DAPK1: variants seen among roughly 807,000 people sequenced by gnomAD.
The protein encoded by DAPK1 is death-associated protein kinase 1.
In DAPK1, 56 loss-of-function variants were observed where a neutral mutation model predicts 144.9. The observed-to-expected ratio is 0.39, with a 90% CI of 0.31 to 0.48. The LOEUF (loss-of-function observed/expected upper bound fraction) is 0.48. Among genes scored for constraint, DAPK1 ranks in the 20% least tolerant of loss-of-function variants. DAPK1 has a pLI of 0.95. For missense variants in DAPK1, 1,454 were observed against 1,875.4 expected (o/e 0.78, Z 4.15); for synonymous variants, 690 against 749.0 (o/e 0.92, Z 1.29).
chr9:87,611,647 G>A lies in DAPK1; in HGVS notation c.284+6472G>A, dbSNP rs923111284. On this transcript the variant is annotated intron_variant, in intron 3 of 25. Transcript: ENST00000408954. ...CTATTTTTTATTTTTTGTAGCTTCAGTGTCATTTTGTTGCTCAGGCTGGTC... is the reference window on the plus strand; with the variant it reads ...CTATTTTTTATTTTTTGTAGCTTCAATGTCATTTTGTTGCTCAGGCTGGTC... Among the ~76,000 whole-genome samples the A allele has an allele frequency of 4.0e-4, 61 of 152,134 alleles. 1 individual carries two copies. Among genetic ancestry groups the A allele is most frequent in the Non-Finnish European group, 1.5e-5 (1 of 68,036 alleles).
rs1286741369 is a variant in DAPK1, at chr9:87,698,784, A to T, written c.2740A>T (p.Ile914Phe). The part of the protein sequence containing the change: ...YDKDTSLLKE[I>F]RNRFGNDLHI... ...CAAAGACACATCGTTGCTGAAAGAG[A>T]TTAGGAACAGGTGAGGGGCAGCCAC... Residue 914 changes from isoleucine to phenylalanine, a missense_variant, in exon 23 of 26, where the codon ATT becomes TTT. Physicochemically the swap from Ile to Phe is conservative, Grantham distance 21. Transcript: ENST00000408954. 1 of 1,606,294 alleles carries T rather than the reference A, an allele frequency of 6.2e-7. No individual in the cohort carries two copies. Among genetic ancestry groups the T allele is most frequent in the Non-Finnish European group, 8.5e-7 (1 of 1,173,038 alleles).
intron 2 of DAPK1, among the ~76,000 whole-genome samples, chr9:87,548,823 G>A (rs1826359699): frequency 6.7e-6 from 1 of 149,938 alleles, no homozygotes; most frequent in African/African-American, 2.5e-5. Context: ...GTTCTGTTTT[G>A]TGGGGCTATG....
At chr9:87,501,191 G>A (rs1824375841) in intron 2 of DAPK1, among the ~76,000 whole-genome samples, 1 of 152,174 alleles carries the variant, frequency 6.6e-6, no homozygotes, top group East Asian at 1.9e-4. Flanking sequence ...GTCATTCTAA[G>A]CAGTGAATTA....
chr9:87,602,783 G>A (rs1228585205), intron 2 of DAPK1, among the ~76,000 whole-genome samples: 3 of 152,060 alleles, frequency 2.0e-5, no homozygotes, highest in South Asian at 2.1e-4. Context: ...ACAGGCACGC[G>A]CCACCACACC....
chr9:87,660,222 G>A (rs1830793249), intron 18 of DAPK1, among the ~76,000 whole-genome samples: 1 of 152,010 alleles, frequency 6.6e-6, no homozygotes, highest in South Asian at 2.1e-4. Flanking sequence ...GAGCTTGGTG[G>A]GCCCGGCCTT....
At chr9:87,640,169 A>G in intron 7 of DAPK1, 129 bp from the exon 8 acceptor site, 1 of 957,476 alleles carries the variant, frequency 1.0e-6, no homozygotes, top group Non-Finnish European at 1.6e-6. Context: ...GCCCTATGAA[A>G]TATAATCAAA....
intron 3 of DAPK1, chr9:87,632,011 T>A (rs570155280): frequency 2.6e-6 from 2 of 768,836 alleles, no homozygotes; most frequent in Non-Finnish European, 3.2e-6. Context: ...TATGTAGAGA[T>A]GAAGGAGGAT....
intron 3 of DAPK1, among the ~76,000 whole-genome samples, chr9:87,622,370 C>T (rs149665172): frequency 2.3e-3 from 350 of 152,134 alleles, no homozygotes; most frequent in African/African-American, 7.8e-3. Flanking sequence ...GCCTGAGCAG[C>T]AGGCTCCGGT....
At chr9:87,611,467 T>C (rs1464828973) in intron 3 of DAPK1, among the ~76,000 whole-genome samples, 1 of 152,102 alleles carries the variant, frequency 6.6e-6, no homozygotes, top group Non-Finnish European at 1.5e-5. Context: ...GACTTTTTGG[T>C]TTTTTTCTTG....
intron 2 of DAPK1, among the ~76,000 whole-genome samples, chr9:87,589,948 T>C (rs748127651): frequency 2.0e-5 from 3 of 152,184 alleles, no homozygotes; most frequent in Non-Finnish European, 4.4e-5. Flanking sequence ...CTCGGTGACA[T>C]CAAAACACTT....
chr9:87,659,094 G>A lies in DAPK1; in HGVS notation c.1923+967G>A, dbSNP rs370031712. ...CAGAGACCATATGGGCCACAGAGCC[G>A]AAACACCTACTTGCCTGGCCCTTGA... is the stretch of plus-strand genomic sequence containing the variant. On this transcript the variant is annotated intron_variant, in intron 18 of 25. Coordinates refer to ENST00000408954, the MANE Select transcript of DAPK1 (RefSeq NM_004938.4). 9.6e-4 allele frequency among the ~76,000 whole-genome samples: 146 copies of A among 152,352 alleles called. 1 individual carries two copies. In the South Asian group the frequency reaches 0.029, roughly 30 times the overall value.
intron 2 of DAPK1, among the ~76,000 whole-genome samples, chr9:87,546,827 C>G (rs1234187745): frequency 6.6e-6 from 1 of 151,944 alleles, no homozygotes; most frequent in African/African-American, 2.4e-5. Context: ...GCTGCACTGC[C>G]TAGAGCAATC....
chr9:87,676,010 A>T (rs1824365121), intron 19 of DAPK1, among the ~76,000 whole-genome samples: 1 of 151,798 alleles, frequency 6.6e-6, no homozygotes. Context: ...TCTTGCCCAC[A>T]CCCTGGATGC....
At chr9:87,502,635 A>AT (rs1824448083) in intron 2 of DAPK1, among the ~76,000 whole-genome samples, 1 of 152,052 alleles carries the variant, frequency 6.6e-6, no homozygotes, top group Admixed American at 6.6e-5. Flanking sequence ...GCACCATCTG[A>AT]CCTTATATGA....
intron 2 of DAPK1, among the ~76,000 whole-genome samples, chr9:87,526,880 C>T (rs1189271822): frequency 6.6e-6 from 1 of 152,184 alleles, no homozygotes; most frequent in African/African-American, 2.4e-5. Flanking sequence ...ATAAGGACTT[C>T]TCTGAAAACT....
intron 17 of DAPK1, among the ~76,000 whole-genome samples, chr9:87,655,405 A>C (rs1467651097): frequency 6.6e-6 from 1 of 152,126 alleles, no homozygotes; most frequent in Admixed American, 6.5e-5. Flanking sequence ...AGGGCTTAAA[A>C]GAAGCACAGG....
chr9:87,524,052 T>C (rs554930946), intron 2 of DAPK1, among the ~76,000 whole-genome samples: 25 of 152,346 alleles, frequency 1.6e-4, no homozygotes, highest in Admixed American at 1.4e-3. Context: ...GCGAGGTGGA[T>C]GAAACAGGTA....
chr9:87,617,287 G>T lies in DAPK1; in HGVS notation c.284+12112G>T, dbSNP rs78574585. 1.9e-3 allele frequency among the ~76,000 whole-genome samples: 292 copies of T among 152,262 alleles called. 3 individuals carry two copies. Among genetic ancestry groups the T allele is most frequent in the African/African-American group, 6.8e-3 (284 of 41,548 alleles). Reference sequence around the variant, plus strand: ...TCCACTTCCTTATTGGAATGGGGAGGTAGAGACATGGAGGGTGAGGGCCAG... The same window carrying T: ...TCCACTTCCTTATTGGAATGGGGAGTTAGAGACATGGAGGGTGAGGGCCAG... On this transcript the variant is annotated intron_variant, in intron 3 of 25. Transcript: ENST00000408954.
chr9:87,529,166 C>G (rs1472428311), intron 2 of DAPK1, among the ~76,000 whole-genome samples: 1 of 152,190 alleles, frequency 6.6e-6, no homozygotes, highest in Non-Finnish European at 1.5e-5. Flanking sequence ...AAACCGCGTA[C>G]TTGATCTCTC....
Sources: allele counts gnomAD v4.1 joint callset (sites outside exome capture counted in the v4.1 genomes callset), GRCh38; gene constraint gnomAD v4.1.1; transcripts MANE v1.5; gene names NCBI Gene and HGNC (gene_info 2026-07-23, HGNC 2026-07-21).